Variants in UPB1 observed in about 807,000 individuals in gnomAD.
UPB1 encodes beta-ureidopropionase 1.
In UPB1, 40 loss-of-function variants were observed where a neutral mutation model predicts 49.1. The ratio of observed to expected loss-of-function variants is 0.81; its 90% CI spans 0.63 to 1.06. The LOEUF is 1.06. Among genes scored for constraint, UPB1 ranks in the 50% least tolerant of loss-of-function variants. The probability of loss-of-function intolerance (pLI) is 0.00; values close to 1 mark genes in which losing one functional copy is unlikely to be tolerated. For synonymous variants in UPB1, 207 were observed against 198.2 expected (o/e 1.04, Z -0.38); for missense variants, 499 against 505.9 (o/e 0.99, Z 0.13).
chr22:24,495,394 G>T lies in UPB1; in HGVS notation c.-10G>T. 6.2e-7 allele frequency: 1 copy of T among 1,612,746 alleles called. No individual in the cohort carries two copies. The highest frequency in any genetic ancestry group is 8.5e-7 in the Non-Finnish European group (1 of 1,180,008). ...TCGTGCGCGGACACAAGCACTGGCG[G>T]ACCGTGGCCATGGCGGGCGCTGAGT... On this transcript the variant is annotated 5_prime_UTR_variant, in exon 1 of 10. Transcript: ENST00000326010.
chr22:24,510,977 A>C, intron 4 of UPB1, 134 bp downstream of exon 4: 2 of 899,030 alleles, frequency 2.2e-6, no homozygotes, highest in Admixed American at 4.1e-5. Context: ...AGATAAGATT[A>C]GATAAGACTA....
At chr22:24,502,853 T>C (rs2044019274) in intron 3 of UPB1, 2 of 304,540 alleles carry the variant, frequency 6.6e-6, no homozygotes, top group Non-Finnish European at 1.2e-5. Flanking sequence ...GACATACATG[T>C]GTCCTTGTTC....
chr22:24,508,447 T>C (rs1030247986), intron 3 of UPB1, among the ~76,000 whole-genome samples: 4 of 151,520 alleles, frequency 2.6e-5, no homozygotes, highest in Admixed American at 2.0e-4. Context: ...TAATCCCAGC[T>C]ACTTGGGAGG....
chr22:24,516,526 C>T (rs1204562676), intron 6 of UPB1: 1 of 152,244 alleles, frequency 6.6e-6, no homozygotes, highest in Non-Finnish European at 1.5e-5. Context: ...TCTTTCCAAG[C>T]AGGATTCCTG....
Position 24,513,346 on chromosome 22 carries a change from T to G in UPB1, c.482T>G (p.Val161Gly). The G allele has an allele frequency of 6.2e-7, 1 of 1,614,144 alleles. No homozygotes were observed. The highest frequency in any genetic ancestry group is 8.5e-7 in the Non-Finnish European group (1 of 1,180,028). The change falls in exon 5 of 10, where the codon GTG becomes GGG. Residue 161 changes from valine (V) to glycine (G), a missense_variant. Physicochemically the swap from Val to Gly is moderately radical, Grantham distance 109 (BLOSUM62 -3). Coordinates refer to ENST00000326010, the MANE Select transcript of UPB1 (RefSeq NM_016327.3). Reference protein sequence around the residue: ...CQKLAKNHDMVVVSPILERDS... With the variant: ...CQKLAKNHDMGVVSPILERDS... Reference sequence around the variant, plus strand: ...CAGCTGGCGAAGAACCATGACATGGTGGTGGTGTCTCCCATCCTGGAACGA... The same window carrying G: ...CAGCTGGCGAAGAACCATGACATGGGGGTGGTGTCTCCCATCCTGGAACGA...
At position 24,526,655 on chromosome 22, in the gene UPB1, G is replaced by C. The variant is rs534913792; in HGVS notation, c.*861G>C. The C allele has an allele frequency of 6.6e-6, 1 of 152,322 alleles. No homozygotes were observed. The highest frequency in any genetic ancestry group is 6.5e-5 in the Admixed American group (1 of 15,290). The allele number at this position is 152,322 out of a possible 1,614,324, so 9.4% of individuals were successfully genotyped here. A position where few individuals can be genotyped will look rare whatever the true frequency, so the allele number is the denominator to read the frequency against. ...TGCCAAAAGTGGTTCTAGAAAAATA[G>C]AATCTTAAAGATGAGTTTTCTGCAT... On this transcript the variant is annotated 3_prime_UTR_variant, in exon 10 of 10. Transcript: ENST00000326010.
In UPB1 at chr22:24,528,291, C is replaced by A. The variant is rs1328347280; in HGVS notation, c.*2497C>A. The stretch of plus-strand genomic sequence containing the variant: ...TCTCATTGCCTGGAAACAGAACAGT[C>A]AGGCCCATCTTAGAGTATGCAGGCC... On this transcript the variant is annotated 3_prime_UTR_variant, in exon 10 of 10. Coordinates refer to ENST00000326010, the MANE Select transcript of UPB1 (RefSeq NM_016327.3). 3.9e-5 allele frequency: 6 copies of A among 152,236 alleles called. No homozygotes were observed. Among genetic ancestry groups the A allele is most frequent in the Non-Finnish European group, 7.3e-5 (5 of 68,046 alleles). The allele number at this position is 152,236 out of a possible 1,614,324, so 9.4% of individuals were successfully genotyped here.
At chr22:24,507,355 G>A (rs548211212) in intron 3 of UPB1, among the ~76,000 whole-genome samples, 1 of 152,226 alleles carries the variant, frequency 6.6e-6, no homozygotes, top group Non-Finnish European at 1.5e-5. Flanking sequence ...AGTGCCTGCC[G>A]CCTGCTTGGC....
At chr22:24,516,751 G>T (rs1281274705) in intron 6 of UPB1, 7 of 151,886 alleles carry the variant, frequency 4.6e-5, no homozygotes, top group African/African-American at 1.7e-4. Context: ...TTGAGACGGA[G>T]TCTTGCTCTG....
At chr22:24,497,142 G>A (rs556800322) in intron 1 of UPB1, among the ~76,000 whole-genome samples, 1 of 152,276 alleles carries the variant, frequency 6.6e-6, no homozygotes, top group African/African-American at 2.4e-5. Flanking sequence ...GGAGAAAGAT[G>A]TCCAAGCTAT....
chr22:24,508,513 C>T (rs1171328377), intron 3 of UPB1, among the ~76,000 whole-genome samples: 4 of 151,138 alleles, frequency 2.6e-5, no homozygotes, highest in African/African-American at 7.3e-5. Context: ...GAGCCAAGAT[C>T]GTGCCACTGC....
In UPB1 at chr22:24,520,305, G is replaced by GC. The variant is rs1414203459; in HGVS notation, c.792-80dup. On this transcript the variant is annotated intron_variant, in intron 6 of 9. Coordinates refer to ENST00000326010, the MANE Select transcript of UPB1 (RefSeq NM_016327.3). ...CACCACTGGCCCAGGAAAGCCTGCA[G>GC]CCAGGCCAGGCTCAGGGCTGAGCAT... The GC allele has an allele frequency of 2.7e-6, 4 of 1,508,990 alleles. No homozygotes were observed. The Admixed American group carries it at 7.2e-5, about 27-fold the overall frequency. The allele number at this position is 1,508,990 out of a possible 1,614,324, so 93.5% of individuals were successfully genotyped here. A position where few individuals can be genotyped will look rare whatever the true frequency, so the allele number is the denominator to read the frequency against.
At chr22:24,520,910 T>C (rs2044378873) in intron 7 of UPB1, among the ~76,000 whole-genome samples, 1 of 152,160 alleles carries the variant, frequency 6.6e-6, no homozygotes, top group Non-Finnish European at 1.5e-5. Context: ...TGGCTGGGTT[T>C]GGTGGCTCAT....
Position 24,527,117 on chromosome 22 carries a change from A to C in UPB1, c.*1323A>C, listed in dbSNP as rs1234758234. On this transcript the variant is annotated 3_prime_UTR_variant, in exon 10 of 10. Coordinates refer to ENST00000326010, the MANE Select transcript of UPB1 (RefSeq NM_016327.3). ...ATGCCTGTGATCCCAGCACTTTGGG[A>C]AGCCAAGGCAGGTGGATCACTTGAG... 2 of 152,220 alleles carry C rather than the reference A, an allele frequency of 1.3e-5. No individual in the cohort carries two copies. The highest frequency in any genetic ancestry group is 2.9e-5 in the Non-Finnish European group (2 of 68,060). 9.4% of individuals were successfully genotyped at this position (152,220 alleles called of 1,614,324 possible).
intron 3 of UPB1, among the ~76,000 whole-genome samples, chr22:24,509,136 G>A (rs958845294): frequency 5.9e-5 from 9 of 152,242 alleles, no homozygotes; most frequent in Admixed American, 3.3e-4. Flanking sequence ...GTGAGGCACC[G>A]TTCACACCAG....
rs1003085329 is a variant in UPB1 at position 24,500,408 on chromosome 22, C to T, written c.276+130C>T. 8 of 1,218,548 alleles carry T rather than the reference C, an allele frequency of 6.6e-6. No individual in the cohort carries two copies. In the East Asian group the frequency reaches 1.3e-4, roughly 19 times the overall value. The allele number at this position is 1,218,548 out of a possible 1,614,324, so 75.5% of individuals were successfully genotyped here. On this transcript the variant is annotated intron_variant, in intron 2 of 9. Transcript: ENST00000326010. Reference sequence around the variant, plus strand: ...TGGGCGCCTCAAGCAGTAGCAGAGGCGCTTCTGCCCTGGCCTCCCCACATC... The same window carrying T: ...TGGGCGCCTCAAGCAGTAGCAGAGGTGCTTCTGCCCTGGCCTCCCCACATC...
rs185531390 is a variant in UPB1, at chr22:24,504,904, A to G, written c.364+2691A>G. Among the ~76,000 whole-genome samples, 4 of 109,360 alleles carry G rather than the reference A, an allele frequency of 3.7e-5. No individual in the cohort carries two copies. The East Asian group carries it at 1.0e-3, about 28-fold the overall frequency. The allele number at this position is 109,360 out of a possible 152,430, so 71.7% of individuals were successfully genotyped here. A position where few individuals can be genotyped will look rare whatever the true frequency, so the allele number is the denominator to read the frequency against. On this transcript the variant is annotated intron_variant, in intron 3 of 9. Transcript: ENST00000326010. ...CACCACACCTGGCTAATTTTCTTGA[A>G]TTTTTTTTTTTTTTTTTTTTTGTAA...
intron 1 of UPB1, among the ~76,000 whole-genome samples, chr22:24,498,363 A>G (rs1231961085): frequency 2.0e-5 from 3 of 152,216 alleles, no homozygotes; most frequent in East Asian, 1.9e-4. Context: ...CTGCGTCTAC[A>G]CAGGGTATGG....
chr22:24,524,816 A>G (rs559914184), intron 9 of UPB1, among the ~76,000 whole-genome samples: 13 of 152,308 alleles, frequency 8.5e-5, no homozygotes, highest in Admixed American at 1.3e-4. Flanking sequence ...AGCAAATTGT[A>G]TATGCAAATG....
Sources: allele counts gnomAD v4.1 joint callset (sites outside exome capture counted in the v4.1 genomes callset), GRCh38; gene constraint gnomAD v4.1.1; transcripts MANE v1.5; gene names NCBI Gene and HGNC (gene_info 2026-07-23, HGNC 2026-07-21).